Variants in PDE4D observed in about 807,000 individuals in gnomAD.
The protein encoded by PDE4D is 3',5'-cyclic-AMP phosphodiesterase 4D.
Under a neutral mutation model 87.4 loss-of-function variants are expected in PDE4D, and 24 were observed. The ratio of observed to expected loss-of-function variants is 0.27; its 90% CI spans 0.20 to 0.39. The LOEUF (loss-of-function observed/expected upper bound fraction) is 0.39. Among genes scored for constraint, PDE4D ranks in the 10% least tolerant of loss-of-function variants. The probability of loss-of-function intolerance (pLI) is 1.00; values close to 1 mark genes in which losing one functional copy is unlikely to be tolerated. For missense variants in PDE4D, 714 were observed against 1,041.0 expected, an observed-to-expected ratio of 0.69 and a Z score of 4.32; for synonymous variants, 384 against 383.2, an observed-to-expected ratio of 1.00 and a Z score of -0.02.
chr5:59,857,781 G>C (rs1745657566), intron 1 of PDE4D, among the ~76,000 whole-genome samples: 1 of 151,290 alleles, frequency 6.6e-6, no homozygotes, highest in Non-Finnish European at 1.5e-5. Flanking sequence ...CATCAAATGA[G>C]AACTCATTAA....
chr5:60,498,160 A>ACACATG (rs1315146555), intron 1 of PDE4D, among the ~76,000 whole-genome samples: 1 of 140,672 alleles, frequency 7.1e-6, no homozygotes, highest in Non-Finnish European at 1.5e-5. Flanking sequence ...CTGGAGACAC[A>ACACATG]CACATGCACA....
At chr5:60,301,493 T>C (rs951210763) in intron 1 of PDE4D, among the ~76,000 whole-genome samples, 1 of 152,208 alleles carries the variant, frequency 6.6e-6, no homozygotes, top group Non-Finnish European at 1.5e-5. Flanking sequence ...AGTTCATTCA[T>C]GATTTGGCTC....
At chr5:59,859,078 T>C (rs1296271015) in intron 1 of PDE4D, among the ~76,000 whole-genome samples, 1 of 152,228 alleles carries the variant, frequency 6.6e-6, no homozygotes, top group East Asian at 1.9e-4. Context: ...ATCTGTTTGT[T>C]TAAATTGATA....
intron 1 of PDE4D, among the ~76,000 whole-genome samples, chr5:59,727,192 C>T (rs1310332455): frequency 6.6e-6 from 1 of 152,072 alleles, no homozygotes; most frequent in African/African-American, 2.4e-5. Flanking sequence ...CTTAGAGAGA[C>T]TAATTTAGCA....
chr5:60,463,576 C>A (rs906938677), intron 1 of PDE4D, among the ~76,000 whole-genome samples: 1 of 152,136 alleles, frequency 6.6e-6, no homozygotes, highest in Non-Finnish European at 1.5e-5. Flanking sequence ...CCTTAGTAAA[C>A]AAACAATCCA....
At chr5:60,251,549 G>C (rs112460344) in intron 1 of PDE4D, among the ~76,000 whole-genome samples, 1,868 of 151,866 alleles carry the variant, frequency 0.012, 42 homozygotes, top group African/African-American at 0.044. Context: ...TCATTCTTTT[G>C]TATGGCTGCA....
At chr5:60,470,521 G>T (rs1747732919) in intron 1 of PDE4D, among the ~76,000 whole-genome samples, 1 of 152,142 alleles carries the variant, frequency 6.6e-6, no homozygotes, top group South Asian at 2.1e-4. Context: ...CCTAGGACTT[G>T]CATTGCTAAA....
intron 2 of PDE4D, among the ~76,000 whole-genome samples, chr5:60,071,140 T>C (rs1307958432): frequency 1.3e-5 from 2 of 152,030 alleles, no homozygotes; most frequent in African/African-American, 4.8e-5. Flanking sequence ...TAAAACCAAT[T>C]CCTAGTTGTC....
At chr5:59,071,075 T>C (rs545706981) in intron 5 of PDE4D, among the ~76,000 whole-genome samples, 165 of 152,218 alleles carry the variant, frequency 1.1e-3, no homozygotes, top group Non-Finnish European at 2.1e-3. Flanking sequence ...TCTTGATCAA[T>C]AGTTTGGTTG....
chr5:59,959,508 T>C (rs1414369827), intron 3 of PDE4D, among the ~76,000 whole-genome samples: 1 of 152,006 alleles, frequency 6.6e-6, no homozygotes, highest in Non-Finnish European at 1.5e-5. Flanking sequence ...GGTACAAAAA[T>C]AGACACATAG....
At chr5:59,825,302 C>A (rs1770190711) in intron 1 of PDE4D, among the ~76,000 whole-genome samples, 1 of 152,106 alleles carries the variant, frequency 6.6e-6, no homozygotes, top group Admixed American at 6.5e-5. Flanking sequence ...CTGAGCTAAC[C>A]CAGGCCTACG....
intron 1 of PDE4D, among the ~76,000 whole-genome samples, chr5:60,337,329 T>C (rs1229565698): frequency 7.8e-6 from 1 of 128,902 alleles, no homozygotes; most frequent in Non-Finnish European, 1.6e-5. Flanking sequence ...AGAGACTTTG[T>C]CTCAAAAAAC....
At chr5:59,393,850 A>G (rs905195709) in intron 1 of PDE4D, among the ~76,000 whole-genome samples, 5 of 152,246 alleles carry the variant, frequency 3.3e-5, no homozygotes, top group African/African-American at 1.2e-4. Flanking sequence ...AAACATGAAT[A>G]AAACAAAAGT....
intron 1 of PDE4D, among the ~76,000 whole-genome samples, chr5:59,397,149 C>T (rs529362589): frequency 5.8e-5 from 7 of 120,340 alleles, no homozygotes; most frequent in Admixed American, 8.1e-5. Flanking sequence ...TAACACCCCA[C>T]TGTCAACATT....
chr5:59,162,051 C>G (rs769264394), intron 5 of PDE4D, among the ~76,000 whole-genome samples: 4 of 152,166 alleles, frequency 2.6e-5, no homozygotes, highest in Non-Finnish European at 5.9e-5. Context: ...TTTAAACATG[C>G]AGGTGTGAAT....
chr5:59,636,401 C>A (rs1832246681), intron 1 of PDE4D, among the ~76,000 whole-genome samples: 1 of 151,980 alleles, frequency 6.6e-6, no homozygotes, highest in South Asian at 2.1e-4. Flanking sequence ...CATATGGAAC[C>A]AAAAGAGAGC....
intron 1 of PDE4D, among the ~76,000 whole-genome samples, chr5:60,417,112 TG>T (rs1742669453): frequency 6.6e-6 from 1 of 152,228 alleles, no homozygotes; most frequent in Non-Finnish European, 1.5e-5. Context: ...CAATGGTGTT[TG>T]GGCAACCAGA....
At chr5:59,116,353 G>A (rs564096193) in intron 5 of PDE4D, among the ~76,000 whole-genome samples, 15 of 152,118 alleles carry the variant, frequency 9.9e-5, no homozygotes, top group Admixed American at 3.3e-4. Flanking sequence ...TGATACAAAC[G>A]AATTTTTTTT....
intron 1 of PDE4D, among the ~76,000 whole-genome samples, chr5:59,808,235 A>T (rs1767959657): frequency 5.9e-5 from 9 of 152,100 alleles, no homozygotes; most frequent in Non-Finnish European, 5.9e-5. Flanking sequence ...CCTGTGGGAC[A>T]GCTGTCATTG....
Sources: allele counts gnomAD v4.1 joint callset (sites outside exome capture counted in the v4.1 genomes callset), GRCh38; gene constraint gnomAD v4.1.1; transcripts MANE v1.5; gene names NCBI Gene and HGNC (gene_info 2026-07-23, HGNC 2026-07-21).